Variants in WDR7 observed in about 807,000 individuals in gnomAD.
The protein encoded by WDR7 is WD repeat-containing protein 7.
Under a neutral mutation model 169.4 loss-of-function variants are expected in WDR7, and 46 were observed. The observed-to-expected ratio is 0.27, with a 90% CI of 0.21 to 0.35. The LOEUF (loss-of-function observed/expected upper bound fraction) is 0.35, where lower values mean the gene tolerates loss of function less well. WDR7 is among the 10% of genes least tolerant of loss of function. The pLI, the probability that WDR7 is intolerant of heterozygous loss-of-function variation, is 1.00. For missense variants in WDR7, 1,534 were observed against 1,859.3 expected, an observed-to-expected ratio of 0.83 and a Z score of 3.22; for synonymous variants, 612 against 666.8, an observed-to-expected ratio of 0.92 and a Z score of 1.27.
intron 26 of WDR7, among the ~76,000 whole-genome samples, chr18:56,976,084 TGAA>T (rs144099059): frequency 0.011 from 1,647 of 152,234 alleles, 34 homozygotes; most frequent in African/African-American, 0.036. Context: ...GAGGTTGAAT[TGAA>T]GAAGGTTTGC....
intron 17 of WDR7, among the ~76,000 whole-genome samples, chr18:56,778,678 A>G (rs1175282772): frequency 3.9e-5 from 6 of 152,202 alleles, no homozygotes; most frequent in African/African-American, 1.4e-4. Flanking sequence ...TTGCACTGGC[A>G]TACAGTGTTT....
At chr18:56,975,820 G>A (rs966003799) in intron 26 of WDR7, among the ~76,000 whole-genome samples, 6 of 152,132 alleles carry the variant, frequency 3.9e-5, no homozygotes, top group African/African-American at 1.4e-4. Flanking sequence ...CCATCACTTG[G>A]TGCCAGGTGA....
chr18:56,713,945 A>C lies in WDR7; in HGVS notation c.1579-4019A>C, dbSNP rs1421267. Among the ~76,000 whole-genome samples the C allele has an allele frequency of 2.7e-3, 412 of 152,344 alleles. 3 individuals carry two copies. In the East Asian group the frequency reaches 0.036, roughly 13 times the overall value. On this transcript the variant is annotated intron_variant, in intron 12 of 27. Transcript: ENST00000254442. The stretch of plus-strand genomic sequence containing the variant: ...AGTGCTTTTATTTAACAGAAAGCTG[A>C]GAATTATTTATTATTACTCTGTTCA...
intron 19 of WDR7, among the ~76,000 whole-genome samples, chr18:56,809,766 T>A (rs1288748728): frequency 6.6e-6 from 1 of 152,122 alleles, no homozygotes; most frequent in African/African-American, 2.4e-5. Context: ...AGTGATGTAG[T>A]GCCTTCTATT....
intron 13 of WDR7, among the ~76,000 whole-genome samples, chr18:56,722,869 G>A (rs1264589572): frequency 2.0e-5 from 3 of 152,028 alleles, no homozygotes; most frequent in East Asian, 3.9e-4. Flanking sequence ...CCATACCTAG[G>A]CTATCTTTAT....
intron 26 of WDR7, among the ~76,000 whole-genome samples, chr18:56,963,937 GAA>G (rs1330901584): frequency 3.1e-4 from 42 of 137,652 alleles, no homozygotes; most frequent in African/African-American, 9.2e-4. Context: ...ACCAGGTAAA[GAA>G]AAAAAAAAAA....
intron 25 of WDR7, among the ~76,000 whole-genome samples, chr18:56,945,742 C>T (rs956289686): frequency 1.3e-5 from 2 of 152,162 alleles, no homozygotes; most frequent in African/African-American, 4.8e-5. Flanking sequence ...GCTGACTTTC[C>T]TGAAGCCTGG....
chr18:56,744,716 A>AT (rs1568170470), intron 14 of WDR7, among the ~76,000 whole-genome samples: 1 of 151,926 alleles, frequency 6.6e-6, no homozygotes, highest in Non-Finnish European at 1.5e-5. Flanking sequence ...CTACACGAGG[A>AT]TTTTCTGATT....
intron 16 of WDR7, among the ~76,000 whole-genome samples, chr18:56,771,584 GAA>G (rs572892576): frequency 1.4e-5 from 1 of 70,302 alleles, no homozygotes; most frequent in Non-Finnish European, 2.6e-5. Context: ...CCCAAAAAAA[GAA>G]AAAAAAAAAT....
At chr18:56,699,906 C>T (rs2025785044) in intron 12 of WDR7, 1 of 981,232 alleles carries the variant, frequency 1.0e-6, no homozygotes, top group South Asian at 4.7e-5. Flanking sequence ...ACTCCACATA[C>T]ATGTCAGTAG....
chr18:57,021,359 C>G (rs984453500), intron 27 of WDR7, among the ~76,000 whole-genome samples: 1 of 152,162 alleles, frequency 6.6e-6, no homozygotes, highest in East Asian at 1.9e-4. Flanking sequence ...TTCATTTACA[C>G]GAGGCCTTCA....
chr18:57,033,513 A>G (rs928442727), downstream of WDR7: 21 of 152,212 alleles, frequency 1.4e-4, no homozygotes, highest in African/African-American at 4.8e-4. Context: ...CCATAAGTCA[A>G]AAACCCTAAT....
At chr18:56,956,291 G>T (rs1166057973) in intron 25 of WDR7, among the ~76,000 whole-genome samples, 1 of 152,104 alleles carries the variant, frequency 6.6e-6, no homozygotes, top group Non-Finnish European at 1.5e-5. Context: ...CTCGCCCTGA[G>T]CTGATGCCTT....
At chr18:56,842,869 A>G (rs746498699) in intron 20 of WDR7, among the ~76,000 whole-genome samples, 1 of 152,214 alleles carries the variant, frequency 6.6e-6, no homozygotes, top group Non-Finnish European at 1.5e-5. Flanking sequence ...GAGAGAAGAG[A>G]CATTGCAGAC....
At chr18:56,825,812 G>A (rs1227505953) in intron 20 of WDR7, among the ~76,000 whole-genome samples, 1 of 152,062 alleles carries the variant, frequency 6.6e-6, no homozygotes, top group Non-Finnish European at 1.5e-5. Flanking sequence ...TCTTAAAGGA[G>A]AAACATAGAA....
chr18:56,807,125 C>T (rs1457334505), intron 19 of WDR7, among the ~76,000 whole-genome samples: 1 of 146,930 alleles, frequency 6.8e-6, no homozygotes, highest in Non-Finnish European at 1.5e-5. Context: ...GATGATGTAA[C>T]CTCTGCCTAG....
At chr18:56,884,878 CAG>C (rs2046164867) in intron 21 of WDR7, among the ~76,000 whole-genome samples, 1 of 152,248 alleles carries the variant, frequency 6.6e-6, no homozygotes, top group South Asian at 2.1e-4. Flanking sequence ...AGGATGCTCA[CAG>C]AGTCTATTTC....
At chr18:56,799,481 A>G (rs1008836459) in intron 19 of WDR7, among the ~76,000 whole-genome samples, 1 of 152,138 alleles carries the variant, frequency 6.6e-6, no homozygotes, top group Non-Finnish European at 1.5e-5. Flanking sequence ...TCTATATTAC[A>G]GTGTTGCTGA....
At chr18:56,820,359 A>AAAAAAAAAAAAAAAAACAAAAAC (rs1044771844) in intron 20 of WDR7, among the ~76,000 whole-genome samples, 1 of 127,512 alleles carries the variant, frequency 7.8e-6, no homozygotes, top group African/African-American at 3.5e-5. Context: ...AAAAAAAAAA[A>AAAAAAAAAAAAAAAAACAAAAAC]AAAAACCACC....
Sources: gnomAD v4.1 joint callset for allele counts (sites outside exome capture counted in the v4.1 genomes callset) on GRCh38, gnomAD v4.1.1 for gene constraint, MANE v1.5 for transcripts, NCBI Gene and HGNC (gene_info 2026-07-23, HGNC 2026-07-21) for gene names.